Variants in ITPR2 observed in about 807,000 individuals in gnomAD.
The protein encoded by ITPR2 is inositol 1,4,5-trisphosphate receptor type 2.
A neutral mutation model predicts 317.1 loss-of-function variants in ITPR2; 207 were observed. The ratio of observed to expected loss-of-function variants is 0.65; its 90% CI spans 0.58 to 0.73. The LOEUF (loss-of-function observed/expected upper bound fraction) is 0.73. Ranked by LOEUF, ITPR2 falls within the 30% of genes least tolerant of loss-of-function variation. The pLI, the probability that ITPR2 is intolerant of heterozygous loss-of-function variation, is 0.00. For missense variants in ITPR2, 2,613 were observed against 3,284.0 expected, an observed-to-expected ratio of 0.80 and a Z score of 4.99; for synonymous variants, 1,156 against 1,149.1, an observed-to-expected ratio of 1.01 and a Z score of -0.12.
intron 1 of ITPR2, among the ~76,000 whole-genome samples, chr12:26,823,225 T>TA (rs1215234060): frequency 6.6e-6 from 1 of 152,168 alleles, no homozygotes; most frequent in Non-Finnish European, 1.5e-5. Flanking sequence ...CCTCCATTGC[T>TA]AAAAAATTAC....
At chr12:26,361,847 A>G (rs146384750) in intron 55 of ITPR2, among the ~76,000 whole-genome samples, 96 of 152,374 alleles carry the variant, frequency 6.3e-4, no homozygotes, top group Non-Finnish European at 1.2e-3. Flanking sequence ...CAGTTTAGGC[A>G]GCAATTTAGA....
Position 26,557,073 on chromosome 12 carries a change from T to A in ITPR2, c.4822-698A>T, listed in dbSNP as rs564249548. ...CAGCCTGGGTGACAGAGCCAAACCC[T>A]GTCTCAAATTGAAAAAAAAAAAATT... On this transcript the variant is annotated intron_variant, in intron 35 of 56. Coordinates refer to ENST00000381340, the MANE Select transcript of ITPR2 (RefSeq NM_002223.4). Among the ~76,000 whole-genome samples the A allele has an allele frequency of 5.3e-5, 8 of 151,900 alleles. No homozygotes were observed. In the South Asian group the frequency reaches 1.7e-3, roughly 32 times the overall value.
At chr12:26,751,239 CT>C (rs1259863747) in intron 2 of ITPR2, among the ~76,000 whole-genome samples, 1 of 152,104 alleles carries the variant, frequency 6.6e-6, no homozygotes, top group African/African-American at 2.4e-5. Flanking sequence ...ATTATGCTTA[CT>C]TTTTTTCTGA....
Position 26,373,076 on chromosome 12 carries a change from G to C in ITPR2, c.7857+14358C>G, listed in dbSNP as rs146033089. 2.3e-4 allele frequency among the ~76,000 whole-genome samples: 35 copies of C among 152,264 alleles called. 1 individual carries two copies. Among genetic ancestry groups the C allele is most frequent in the Non-Finnish European group, 4.4e-5 (3 of 68,018 alleles). On this transcript the variant is annotated intron_variant, in intron 55 of 56. Coordinates refer to ENST00000381340, the MANE Select transcript of ITPR2 (RefSeq NM_002223.4). ...ACTTAACAGCCAGACAACAGCCGGG[G>C]AAAGCTGATCCACATATGATCCCCC...
intron 21 of ITPR2, among the ~76,000 whole-genome samples, chr12:26,653,486 C>T (rs866588915): frequency 6.6e-6 from 1 of 152,118 alleles, no homozygotes; most frequent in South Asian, 2.1e-4. Flanking sequence ...ATGATCTGCC[C>T]ACCTTGGCCT....
At chr12:26,717,874 T>C (rs1187606749) in intron 5 of ITPR2, among the ~76,000 whole-genome samples, 1 of 152,164 alleles carries the variant, frequency 6.6e-6, no homozygotes, top group Non-Finnish European at 1.5e-5. Context: ...AAAGTCAACA[T>C]GACATAAGCA....
intron 55 of ITPR2, chr12:26,373,731 G>A (rs1160778131): frequency 6.6e-6 from 1 of 152,126 alleles, no homozygotes; most frequent in Non-Finnish European, 1.5e-5. Flanking sequence ...TATGGACACA[G>A]ACCAGAATAT....
intron 22 of ITPR2, among the ~76,000 whole-genome samples, chr12:26,628,906 A>G (rs962493887): frequency 6.6e-6 from 1 of 152,208 alleles, no homozygotes; most frequent in African/African-American, 2.4e-5. Flanking sequence ...ATCAAAGAAG[A>G]AAAAGCTGGG....
intron 23 of ITPR2, among the ~76,000 whole-genome samples, chr12:26,624,568 T>C (rs1946577059): frequency 6.6e-6 from 1 of 152,198 alleles, no homozygotes; most frequent in South Asian, 2.1e-4. Context: ...AACAGGTTTA[T>C]GAAAAGGTGC....
chr12:26,368,847 G>A (rs1229906502), intron 55 of ITPR2, among the ~76,000 whole-genome samples: 1 of 152,154 alleles, frequency 6.6e-6, no homozygotes, highest in Non-Finnish European at 1.5e-5. Context: ...TCAAATGAAG[G>A]AGACATACAA....
At chr12:26,733,521 T>C (rs1949061642) in intron 2 of ITPR2, among the ~76,000 whole-genome samples, 1 of 152,098 alleles carries the variant, frequency 6.6e-6, no homozygotes, top group Non-Finnish European at 1.5e-5. Context: ...ATGGGAAATA[T>C]ACTATGTGTA....
chr12:26,796,606 T>C (rs117868776), intron 1 of ITPR2, among the ~76,000 whole-genome samples: 99 of 152,342 alleles, frequency 6.5e-4, no homozygotes, highest in Middle Eastern at 3.4e-3. Flanking sequence ...TAGACACATA[T>C]ATGCTCTACA....
intron 52 of ITPR2, among the ~76,000 whole-genome samples, chr12:26,408,957 C>T (rs943840224): frequency 1.3e-5 from 2 of 152,154 alleles, no homozygotes; most frequent in South Asian, 2.1e-4. Flanking sequence ...ATACTGATGA[C>T]AATAATCTGA....
chr12:26,692,894 T>C (rs962172880), intron 10 of ITPR2, among the ~76,000 whole-genome samples: 1 of 152,212 alleles, frequency 6.6e-6, no homozygotes, highest in Non-Finnish European at 1.5e-5. Flanking sequence ...GGAACCCAGA[T>C]CTGAGGTGAA....
rs144084732 is a variant in ITPR2 at position 26,412,511 on chromosome 12, T to C, written c.7307-1099A>G. Among the ~76,000 whole-genome samples the C allele has an allele frequency of 2.3e-4, 35 of 152,228 alleles. No individual in the cohort carries two copies. In the East Asian group the frequency reaches 6.6e-3, roughly 29 times the overall value. On this transcript the variant is annotated intron_variant, in intron 51 of 56. Transcript: ENST00000381340. ...CCCTTACTTAATACTTACTGAAGCA[T>C]CCTGCTAGGCCCCCCAGGCCCAGAG... is the stretch of plus-strand genomic sequence containing the variant.
intron 44 of ITPR2, among the ~76,000 whole-genome samples, chr12:26,476,253 G>A (rs2136823210): frequency 6.6e-6 from 1 of 152,246 alleles, no homozygotes; most frequent in East Asian, 1.9e-4. Context: ...ACCAACAATG[G>A]CCCTGATGTG....
chr12:26,553,498 C>T (rs544910276), intron 36 of ITPR2, among the ~76,000 whole-genome samples: 1 of 152,208 alleles, frequency 6.6e-6, no homozygotes, highest in Admixed American at 6.5e-5. Context: ...AATACAAGAC[C>T]CCTGGCAGCC....
chr12:26,584,623 C>T (rs753128712), intron 32 of ITPR2, among the ~76,000 whole-genome samples: 5 of 152,200 alleles, frequency 3.3e-5, no homozygotes, highest in Non-Finnish European at 7.3e-5. Flanking sequence ...TGGAAATCAT[C>T]TATATCTGTG....
intron 45 of ITPR2, among the ~76,000 whole-genome samples, chr12:26,456,433 C>G (rs374389981): frequency 6.6e-6 from 1 of 152,208 alleles, no homozygotes; most frequent in East Asian, 1.9e-4. Flanking sequence ...AATTGCCCAG[C>G]CCTTTTCTAG....
Sources: allele counts gnomAD v4.1 joint callset (sites outside exome capture counted in the v4.1 genomes callset), GRCh38; gene constraint gnomAD v4.1.1; transcripts MANE v1.5; gene names NCBI Gene and HGNC (gene_info 2026-07-23, HGNC 2026-07-21).